Variants in RALYL observed in about 807,000 individuals in gnomAD.
The protein encoded by RALYL is RALY RNA binding protein like, also known as RNA-binding Raly-like protein.
A neutral mutation model predicts 35.1 loss-of-function variants in RALYL; 29 were observed. The observed-to-expected ratio is 0.83, with a 90% CI of 0.61 to 1.13. The LOEUF (loss-of-function observed/expected upper bound fraction) is 1.13. RALYL is among the 50% of genes most tolerant of loss of function. The pLI is 0.00. For synonymous variants in RALYL, 120 were observed against 127.6 expected, an observed-to-expected ratio of 0.94 and a Z score of 0.40; for missense variants, 359 against 360.4, an observed-to-expected ratio of 1.00 and a Z score of 0.03.
intron 1 of RALYL, among the ~76,000 whole-genome samples, chr8:84,488,746 T>G (rs954740292): frequency 6.6e-6 from 1 of 152,036 alleles, no homozygotes; most frequent in Non-Finnish European, 1.5e-5. Context: ...AAGAACATTT[T>G]CAAAGTAATA....
intron 2 of RALYL, among the ~76,000 whole-genome samples, chr8:84,714,319 T>C (rs1319792097): frequency 6.6e-6 from 1 of 151,750 alleles, no homozygotes; most frequent in Non-Finnish European, 1.5e-5. Flanking sequence ...AAGCAATACG[T>C]TCAGGAGATC....
chr8:84,355,127 T>C (rs1042685579), intron 1 of RALYL, among the ~76,000 whole-genome samples: 8 of 150,482 alleles, frequency 5.3e-5, no homozygotes, highest in African/African-American at 1.7e-4. Context: ...AGCCAAATTT[T>C]ACTCTAGGAA....
At chr8:84,776,290 A>G (rs999724460) in intron 3 of RALYL, among the ~76,000 whole-genome samples, 3 of 152,188 alleles carry the variant, frequency 2.0e-5, no homozygotes, top group African/African-American at 4.8e-5. Context: ...AGTCATGCCT[A>G]GTACCCCAGG....
chr8:84,864,743 C>A, intron 6 of RALYL: 1 of 586,484 alleles, frequency 1.7e-6, no homozygotes, highest in African/African-American at 1.9e-5. Context: ...CTTGGCAGGC[C>A]TGGTTTACAT....
intron 2 of RALYL, among the ~76,000 whole-genome samples, chr8:84,539,850 A>G (rs12544283): frequency 9.0e-5 from 1 of 11,124 alleles, no homozygotes; most frequent in Non-Finnish European, 3.0e-4. Context: ...ATATATATAT[A>G]TATGTATATA....
At chr8:84,326,654 C>A (rs914817285) in intron 1 of RALYL, among the ~76,000 whole-genome samples, 24 of 152,074 alleles carry the variant, frequency 1.6e-4, no homozygotes, top group African/African-American at 5.3e-4. Flanking sequence ...AAGATCAAAA[C>A]ATAAACATTA....
At chr8:84,339,812 C>T (rs868079843) in intron 1 of RALYL, among the ~76,000 whole-genome samples, 3 of 152,022 alleles carry the variant, frequency 2.0e-5, no homozygotes, top group Non-Finnish European at 4.4e-5. Flanking sequence ...CACAAGACAA[C>T]TTAGTACGAA....
intron 2 of RALYL, among the ~76,000 whole-genome samples, chr8:84,575,178 A>C (rs1231165872): frequency 6.6e-6 from 1 of 151,934 alleles, no homozygotes; most frequent in Non-Finnish European, 1.5e-5. Flanking sequence ...TCCCATTAAA[A>C]CCCCCACATG....
intron 2 of RALYL, among the ~76,000 whole-genome samples, chr8:84,724,659 A>G (rs1307478570): frequency 6.6e-6 from 1 of 151,706 alleles, no homozygotes; most frequent in African/African-American, 2.4e-5. Context: ...AGACCAGAAA[A>G]ATATCCTGCT....
intron 1 of RALYL, among the ~76,000 whole-genome samples, chr8:84,295,696 G>A (rs1485097084): frequency 6.6e-6 from 1 of 151,998 alleles, no homozygotes; most frequent in African/African-American, 2.4e-5. Context: ...CTTCCCCTTA[G>A]ATAACACTGT....
intron 1 of RALYL, among the ~76,000 whole-genome samples, chr8:84,525,953 C>CTTTT (rs35794329): frequency 4.8e-5 from 5 of 104,864 alleles, no homozygotes; most frequent in Admixed American, 1.0e-4. Context: ...TTTCTTTTTT[C>CTTTT]TTTTTTTTTT....
intron 1 of RALYL, among the ~76,000 whole-genome samples, chr8:84,316,615 C>G (rs760487606): frequency 6.6e-6 from 1 of 152,052 alleles, no homozygotes. Flanking sequence ...GTTTTCCTGG[C>G]AGATCTATTT....
chr8:84,656,249 G>T (rs2131596046), intron 2 of RALYL, among the ~76,000 whole-genome samples: 1 of 152,232 alleles, frequency 6.6e-6, no homozygotes, highest in Middle Eastern at 3.4e-3. Flanking sequence ...AGCTGATTCT[G>T]CAGGCCCCAA....
chr8:84,855,391 T>G (rs1836758789), intron 5 of RALYL, among the ~76,000 whole-genome samples: 1 of 152,250 alleles, frequency 6.6e-6, no homozygotes, highest in Non-Finnish European at 1.5e-5. Flanking sequence ...TTTCCAACCC[T>G]TAGATAGTTT....
intron 1 of RALYL, among the ~76,000 whole-genome samples, chr8:84,432,442 C>T (rs2047245734): frequency 6.6e-6 from 1 of 152,036 alleles, no homozygotes; most frequent in South Asian, 2.1e-4. Context: ...TAGAAATCTA[C>T]TGTATTAAAT....
intron 1 of RALYL, among the ~76,000 whole-genome samples, chr8:84,452,928 A>G (rs557171957): frequency 2.0e-5 from 3 of 152,042 alleles, no homozygotes; most frequent in East Asian, 3.9e-4. Flanking sequence ...TCCTGATTTT[A>G]TATTCTTGAT....
intron 4 of RALYL, among the ~76,000 whole-genome samples, chr8:84,806,352 T>C (rs978947084): frequency 1.3e-5 from 2 of 152,168 alleles, no homozygotes; most frequent in Admixed American, 6.5e-5. Flanking sequence ...AATGCATGTG[T>C]ATTTGCCCTC....
chr8:84,832,766 G>C (rs545550432), intron 4 of RALYL, among the ~76,000 whole-genome samples: 7 of 152,142 alleles, frequency 4.6e-5, no homozygotes, highest in Admixed American at 2.6e-4. Flanking sequence ...TCTCTAAAAA[G>C]AATCCCCAAC....
chr8:84,449,662 G>T (rs1259137396), intron 1 of RALYL, among the ~76,000 whole-genome samples: 2 of 151,950 alleles, frequency 1.3e-5, no homozygotes, highest in Non-Finnish European at 2.9e-5. Context: ...CATTTTCATA[G>T]AATGGATGTT....
Sources: gnomAD v4.1 joint callset for allele counts (sites outside exome capture counted in the v4.1 genomes callset) on GRCh38, gnomAD v4.1.1 for gene constraint, MANE v1.5 for transcripts, NCBI Gene and HGNC (gene_info 2026-07-23, HGNC 2026-07-21) for gene names.